The following COL4A3 variants were observed in gnomAD, a reference collection of about 807,000 sequenced individuals.
The protein encoded by COL4A3 is collagen alpha-3(IV) chain.
Under a neutral mutation model 217.4 loss-of-function variants are expected in COL4A3, and 135 were observed. That is an observed-to-expected ratio of 0.62 (90% CI 0.54 to 0.72). COL4A3 has a LOEUF of 0.72. Ranked by LOEUF, COL4A3 falls within the 30% of genes least tolerant of loss-of-function variation. COL4A3 has a pLI of 0.00. For synonymous variants in COL4A3, 690 were observed against 736.3 expected, an observed-to-expected ratio of 0.94 and a Z score of 1.02; for missense variants, 1,868 against 2,119.9, an observed-to-expected ratio of 0.88 and a Z score of 2.33.
intron 1 of COL4A3, among the ~76,000 whole-genome samples, chr2:227,214,506 A>T (rs1412844144): frequency 6.6e-6 from 1 of 152,218 alleles, no homozygotes; most frequent in African/African-American, 2.4e-5. Flanking sequence ...TAGCATCATA[A>T]CCTTTTCTAT....
chr2:227,292,354 G>A lies in COL4A3; in HGVS notation c.3211-837G>A, dbSNP rs2072793613. ...TAGATTAAGTCCTCAGAAAACCTGA[G>A]ATTGCTTCCACTGAGATATTTGCTC... On this transcript the variant is annotated intron_variant, in intron 37 of 51. Coordinates refer to ENST00000396578, the MANE Select transcript of COL4A3 (RefSeq NM_000091.5). 2.0e-5 allele frequency among the ~76,000 whole-genome samples: 3 copies of A among 152,270 alleles called. No homozygotes were observed. The South Asian group carries it at 6.2e-4, about 32-fold the overall frequency.
intron 21 of COL4A3, chr2:227,265,390 G>C (rs2070826002): frequency 6.6e-6 from 1 of 152,216 alleles, no homozygotes; most frequent in South Asian, 2.1e-4. Flanking sequence ...ATTTGGGACA[G>C]CTATGGTAGT....
chr2:227,279,070 G>A lies in COL4A3; in HGVS notation c.2126-723G>A, dbSNP rs548132420. ...AAAGGCTACCTGGGGTGCTGAAAACGTTCTATATCTTTTTTTTTTTTTTTG... is the reference window on the plus strand; with the variant it reads ...AAAGGCTACCTGGGGTGCTGAAAACATTCTATATCTTTTTTTTTTTTTTTG... On this transcript the variant is annotated intron_variant, in intron 28 of 51. Transcript: ENST00000396578. Among the ~76,000 whole-genome samples the A allele has an allele frequency of 4.2e-3, 583 of 138,022 alleles. 2 individuals are homozygous for A. The highest frequency in any genetic ancestry group is 0.011 in the Middle Eastern group (3 of 270). The allele number at this position is 138,022 out of a possible 152,430, so 90.5% of individuals were successfully genotyped here.
chr2:227,256,230 G>C, intron 16 of COL4A3, 113 bp from the exon 17 acceptor site: 7 of 1,137,452 alleles, frequency 6.2e-6, no homozygotes, highest in South Asian at 3.7e-5. Flanking sequence ...ACTGTGAAGA[G>C]AGATCATCTG....
chr2:227,285,699 G>A (rs1033414126), intron 34 of COL4A3, among the ~76,000 whole-genome samples: 1 of 152,184 alleles, frequency 6.6e-6, no homozygotes, highest in Non-Finnish European at 1.5e-5. Flanking sequence ...TGCGCAGTGA[G>A]TACTAATTTG....
intron 1 of COL4A3, among the ~76,000 whole-genome samples, chr2:227,226,507 T>C (rs1399484413): frequency 2.0e-5 from 3 of 151,830 alleles, no homozygotes; most frequent in Non-Finnish European, 4.4e-5. Flanking sequence ...TCTTGCTCTG[T>C]TGCCCAGGCT....
At position 227,283,888 on chromosome 2, in the gene COL4A3, G is replaced by A. The variant is rs1000992196; in HGVS notation, c.2746+32G>A. ...GATAGAGTGTCTTTCTAAATAGCAG[G>A]AAGCATAAACAATGTTCATTTATTT... is the stretch of plus-strand genomic sequence containing the variant. On this transcript the variant is annotated intron_variant, in intron 33 of 51. Transcript: ENST00000396578. 8 of 1,536,530 alleles carry A rather than the reference G, an allele frequency of 5.2e-6. No homozygotes were observed. The African/African-American group carries it at 1.1e-4, about 21-fold the overall frequency.
intron 1 of COL4A3, among the ~76,000 whole-genome samples, chr2:227,220,632 T>G (rs930474787): frequency 3.3e-5 from 5 of 151,958 alleles, no homozygotes; most frequent in Admixed American, 3.3e-4. Context: ...GCTAATTTAT[T>G]TTATTTTATT....
At chr2:227,215,583 C>T (rs1202504108) in intron 1 of COL4A3, among the ~76,000 whole-genome samples, 3 of 152,072 alleles carry the variant, frequency 2.0e-5, no homozygotes, top group East Asian at 1.9e-4. Context: ...CTCAGCCTCC[C>T]GAGTAGCTGG....
chr2:227,257,088 C>A (rs1205214970), intron 17 of COL4A3, among the ~76,000 whole-genome samples: 1 of 152,162 alleles, frequency 6.6e-6, no homozygotes, highest in East Asian at 1.9e-4. Context: ...TTTATGAGAC[C>A]ACTATCATAT....
At chr2:227,273,848 C>A (rs1000126394) in intron 26 of COL4A3, among the ~76,000 whole-genome samples, 4 of 152,104 alleles carry the variant, frequency 2.6e-5, no homozygotes, top group African/African-American at 7.2e-5. Flanking sequence ...ATATACTGGC[C>A]GTAGTTCTGG....
intron 1 of COL4A3, among the ~76,000 whole-genome samples, chr2:227,216,669 T>C (rs549014656): frequency 6.6e-6 from 1 of 152,264 alleles, no homozygotes; most frequent in East Asian, 1.9e-4. Context: ...TTAAATGATA[T>C]AAATGCAAAT....
intron 1 of COL4A3, among the ~76,000 whole-genome samples, chr2:227,184,889 G>GC (rs2065971507): frequency 8.6e-5 from 11 of 127,216 alleles, no homozygotes; most frequent in East Asian, 6.8e-4. Flanking sequence ...TGCCTCACTG[G>GC]CCTTTTTTTT....
At chr2:227,197,936 GTC>G (rs2066544986) in intron 1 of COL4A3, among the ~76,000 whole-genome samples, 3 of 152,326 alleles carry the variant, frequency 2.0e-5, no homozygotes, top group South Asian at 4.1e-4. Context: ...CAGCCTGGCA[GTC>G]TCTCTCTAGA....
At chr2:227,310,710 G>T in intron 50 of COL4A3, 66 bp from the exon 51 acceptor site, 1 of 1,345,454 alleles carries the variant, frequency 7.4e-7, no homozygotes, top group South Asian at 1.2e-5. Flanking sequence ...AAAAAAAAAA[G>T]TAGAGAATTG....
intron 1 of COL4A3, among the ~76,000 whole-genome samples, chr2:227,178,442 C>G (rs1301151504): frequency 1.3e-5 from 2 of 152,186 alleles, no homozygotes; most frequent in African/African-American, 4.8e-5. Context: ...GTTCCATACT[C>G]TCCGACGTTT....
intron 1 of COL4A3, among the ~76,000 whole-genome samples, chr2:227,218,838 T>C (rs34489645): frequency 0.45 from 68,355 of 152,050 alleles, 16,695 homozygotes; most frequent in Non-Finnish European, 0.57. Context: ...TTATATTTGT[T>C]TATTTGTATT....
In COL4A3 at chr2:227,189,966, C is replaced by G. The variant is rs140677855; in HGVS notation, c.87+25153C>G. 3.3e-3 allele frequency among the ~76,000 whole-genome samples: 503 copies of G among 152,182 alleles called. 3 individuals are homozygous for G. The highest frequency in any genetic ancestry group is 0.014 in the Middle Eastern group (4 of 294). On this transcript the variant is annotated intron_variant, in intron 1 of 51. Coordinates refer to ENST00000396578, the MANE Select transcript of COL4A3 (RefSeq NM_000091.5). ...CCCCAAATCAGGAAGTTTCCTTTCC[C>G]AGAAATCATCAGAGAAAAACTTTGG... is the stretch of plus-strand genomic sequence containing the variant.
rs11315628 is a variant in COL4A3 at position 227,172,581 on chromosome 2, CTTTTTT to C, written c.87+7787_87+7792del. Among the ~76,000 whole-genome samples, 15 of 73,590 alleles carry C rather than the reference CTTTTTT, an allele frequency of 2.0e-4. No homozygotes were observed. The East Asian group carries it at 2.7e-3, about 13-fold the overall frequency. 48.3% of individuals were successfully genotyped at this position (73,590 alleles called of 152,430 possible). A position where few individuals can be genotyped will look rare whatever the true frequency, so the allele number is the denominator to read the frequency against. ...CATCTTCTTCTTTCTTCGTCTTCTT[CTTTTTT>C]TTTTTTTTTTTTTTTTTTAGATGGA... On this transcript the variant is annotated intron_variant, in intron 1 of 51. Transcript: ENST00000396578.
Sources: allele counts gnomAD v4.1 joint callset (sites outside exome capture counted in the v4.1 genomes callset), GRCh38; gene constraint gnomAD v4.1.1; transcripts MANE v1.5; gene names NCBI Gene and HGNC (gene_info 2026-07-23, HGNC 2026-07-21).